STAG1: variants seen among roughly 807,000 people sequenced by gnomAD.
STAG1 encodes STAG1 cohesin complex component, also known as cohesin subunit SA-1.
A neutral mutation model predicts 170.9 loss-of-function variants in STAG1; 26 were observed. The observed-to-expected ratio is 0.15, with a 90% confidence interval of 0.11 to 0.21. The LOEUF (loss-of-function observed/expected upper bound fraction) is 0.21. STAG1 is among the 10% of genes least tolerant of loss of function. The pLI is 1.00. For synonymous variants in STAG1, 514 were observed against 497.7 expected, an observed-to-expected ratio of 1.03 and a Z score of -0.44; for missense variants, 964 against 1,509.5, an observed-to-expected ratio of 0.64 and a Z score of 5.99.
intron 1 of STAG1, among the ~76,000 whole-genome samples, chr3:136,636,275 T>C (rs1326324287): frequency 6.6e-6 from 1 of 151,312 alleles, no homozygotes; most frequent in Non-Finnish European, 1.5e-5. Context: ...GAAAAGAATC[T>C]CTTAGCAATG....
intron 27 of STAG1, among the ~76,000 whole-genome samples, chr3:136,358,378 G>C (rs778790416): frequency 6.6e-6 from 1 of 151,944 alleles, no homozygotes; most frequent in Non-Finnish European, 1.5e-5. Flanking sequence ...AGCTACCCGT[G>C]CCTGGCCCAC....
rs558893748 is a variant in STAG1 at position 136,547,127 on chromosome 3, T to A, written c.395-4932A>T. Among the ~76,000 whole-genome samples, 38 of 152,284 alleles carry A rather than the reference T, an allele frequency of 2.5e-4. No individual in the cohort carries two copies. In the South Asian group the frequency reaches 6.6e-3, roughly 27 times the overall value. ...CTTAACTGAATTCCTATAGCATTTTTAAAAAATATGCTTTCTATTTTAGAA... is the reference window on the plus strand; with the variant it reads ...CTTAACTGAATTCCTATAGCATTTTAAAAAAATATGCTTTCTATTTTAGAA... On this transcript the variant is annotated intron_variant, in intron 5 of 33. Coordinates refer to ENST00000383202, the MANE Select transcript of STAG1 (RefSeq NM_005862.3).
chr3:136,347,477 G>A lies in STAG1; in HGVS notation c.3271+1681C>T, dbSNP rs1437493814. Among the ~76,000 whole-genome samples the A allele has an allele frequency of 7.4e-5, 11 of 148,334 alleles. 1 individual carries two copies. In the South Asian group the frequency reaches 2.4e-3, roughly 32 times the overall value. On this transcript the variant is annotated intron_variant, in intron 29 of 33. Transcript: ENST00000383202. ...CCAGGATCCTACAGTACAAAGACAA[G>A]ATTTTATATTTTCTTTCTCTGGACT... is the stretch of plus-strand genomic sequence containing the variant.
rs1477841396 is a variant in STAG1, at chr3:136,604,360, C to T, written c.246G>A (p.Gly82=). 2.5e-6 allele frequency: 4 copies of T among 1,613,320 alleles called. No individual in the cohort carries two copies. The highest frequency in any genetic ancestry group is 3.4e-6 in the Non-Finnish European group (4 of 1,179,806). Residue 82 remains glycine, a synonymous_variant, in exon 4 of 34, where the codon GGG becomes GGA. Coordinates refer to ENST00000383202, the MANE Select transcript of STAG1 (RefSeq NM_005862.3). ...ANGHPQQNGE[G]EPVTLFEVVK... ...CCACCTCAAATAATGTGACAGGCTC[C>T]CCTTCCCCATTCTGTTGAGGGTGTC...
At chr3:136,574,514 T>C (rs1459193013) in intron 4 of STAG1, among the ~76,000 whole-genome samples, 2 of 151,996 alleles carry the variant, frequency 1.3e-5, no homozygotes, top group Admixed American at 6.6e-5. Context: ...CATGCAAACA[T>C]TAACCGTAAG....
chr3:136,505,030 T>C (rs950694424), intron 7 of STAG1, among the ~76,000 whole-genome samples: 1 of 152,168 alleles, frequency 6.6e-6, no homozygotes, highest in Non-Finnish European at 1.5e-5. Flanking sequence ...TGAGACTTCA[T>C]TGAATAACAC....
At chr3:136,407,104 G>A (rs1287193704) in intron 21 of STAG1, among the ~76,000 whole-genome samples, 1 of 152,074 alleles carries the variant, frequency 6.6e-6, no homozygotes, top group African/African-American at 2.4e-5. Context: ...TCAGCTCACT[G>A]CAACCTCGGC....
At chr3:136,564,338 T>G (rs1419816121) in intron 5 of STAG1, among the ~76,000 whole-genome samples, 1 of 152,212 alleles carries the variant, frequency 6.6e-6, no homozygotes. Flanking sequence ...GTTTATCAAT[T>G]TGTATTCTAA....
intron 1 of STAG1, among the ~76,000 whole-genome samples, chr3:136,715,625 G>C (rs925877693): frequency 6.6e-6 from 1 of 151,528 alleles, no homozygotes; most frequent in Non-Finnish European, 1.5e-5. Context: ...TTTCAAAAAA[G>C]AAAAAAATTT....
In STAG1 at chr3:136,503,957, G is replaced by A. The variant is rs371876450; in HGVS notation, c.677-1178C>T. Among the ~76,000 whole-genome samples the A allele has an allele frequency of 6.6e-5, 10 of 152,172 alleles. No homozygotes were observed. The East Asian group carries it at 9.7e-4, about 15-fold the overall frequency. On this transcript the variant is annotated intron_variant, in intron 7 of 33. Transcript: ENST00000383202. ...TCACCATGTTGGCCAGGCGGGTTTTGAACTCCCGATCTCAGGTGATCCGCC... is the reference window on the plus strand; with the variant it reads ...TCACCATGTTGGCCAGGCGGGTTTTAAACTCCCGATCTCAGGTGATCCGCC...
chr3:136,584,456 G>C (rs943031521), intron 4 of STAG1, among the ~76,000 whole-genome samples: 1 of 152,110 alleles, frequency 6.6e-6, no homozygotes, highest in Non-Finnish European at 1.5e-5. Context: ...TCAAAAGACT[G>C]ATCAGCCTTT....
chr3:136,670,973 A>G (rs1387568764), intron 1 of STAG1, among the ~76,000 whole-genome samples: 2 of 152,024 alleles, frequency 1.3e-5, no homozygotes, highest in Non-Finnish European at 2.9e-5. Context: ...TAATATTTTA[A>G]TGAGATTTTC....
At chr3:136,659,211 C>T (rs1941494195) in intron 1 of STAG1, among the ~76,000 whole-genome samples, 1 of 152,188 alleles carries the variant, frequency 6.6e-6, no homozygotes, top group South Asian at 2.1e-4. Flanking sequence ...AAGATTACAA[C>T]ATTCCTAAAA....
intron 10 of STAG1, among the ~76,000 whole-genome samples, chr3:136,476,971 T>C (rs971055150): frequency 6.6e-6 from 1 of 152,116 alleles, no homozygotes; most frequent in African/African-American, 2.4e-5. Context: ...TTTTATATAT[T>C]AAGAAAAAAG....
At chr3:136,707,883 C>A (rs1452944408) in intron 1 of STAG1, among the ~76,000 whole-genome samples, 1 of 152,092 alleles carries the variant, frequency 6.6e-6, no homozygotes, top group Non-Finnish European at 1.5e-5. Flanking sequence ...ATAGGTCCCA[C>A]CTCCCAATAT....
intron 11 of STAG1, among the ~76,000 whole-genome samples, chr3:136,472,727 A>G (rs1026168870): frequency 1.3e-5 from 2 of 152,226 alleles, no homozygotes; most frequent in Non-Finnish European, 2.9e-5. Context: ...GTGTCAAGGA[A>G]GCCTTAACAT....
chr3:136,722,238 T>A (rs891069295), intron 1 of STAG1, among the ~76,000 whole-genome samples: 1 of 152,062 alleles, frequency 6.6e-6, no homozygotes, highest in Non-Finnish European at 1.5e-5. Context: ...AAAAAAATGA[T>A]GTACTAAAAT....
At chr3:136,518,914 G>C (rs776626783) in intron 7 of STAG1, among the ~76,000 whole-genome samples, 1 of 151,962 alleles carries the variant, frequency 6.6e-6, no homozygotes, top group South Asian at 2.1e-4. Context: ...AAAGGCAATG[G>C]GGGGAGGCAG....
intron 3 of STAG1, among the ~76,000 whole-genome samples, chr3:136,613,335 AG>A (rs1188611344): frequency 6.6e-6 from 1 of 150,734 alleles, no homozygotes. Flanking sequence ...AAAAAAAAAA[AG>A]AAATCAGAGT....
Sources: allele counts gnomAD v4.1 joint callset (sites outside exome capture counted in the v4.1 genomes callset), GRCh38; gene constraint gnomAD v4.1.1; transcripts MANE v1.5; gene names NCBI Gene and HGNC (gene_info 2026-07-23, HGNC 2026-07-21).